Variants in PAX5 observed in about 807,000 individuals in gnomAD.
PAX5 encodes paired box 5.
In PAX5, 9 loss-of-function variants were observed where a neutral mutation model predicts 43.7. The ratio of observed to expected loss-of-function variants is 0.21; its 90% CI spans 0.12 to 0.36. The LOEUF (loss-of-function observed/expected upper bound fraction) is 0.36. Ranked by LOEUF, PAX5 falls within the 10% of genes least tolerant of loss-of-function variation. PAX5 has a pLI of 1.00. For synonymous variants in PAX5, 228 were observed against 214.3 expected (o/e 1.06, Z -0.56); for missense variants, 383 against 532.7 (o/e 0.72, Z 2.77).
chr9:36,926,885 G>C (rs1363477990), intron 6 of PAX5, among the ~76,000 whole-genome samples: 1 of 152,170 alleles, frequency 6.6e-6, no homozygotes, highest in Non-Finnish European at 1.5e-5. Flanking sequence ...TTCCATCCAA[G>C]AGGGACAAGA....
In PAX5 at chr9:36,833,372, T is replaced by G. The variant is rs1005030079; in HGVS notation, c.*7188A>C. The G allele has an allele frequency of 1.3e-5, 3 of 233,044 alleles. No homozygotes were observed. The South Asian group carries it at 5.4e-4, about 42-fold the overall frequency. The allele number at this position is 233,044 out of a possible 1,614,324, so 14.4% of individuals were successfully genotyped here. On this transcript the variant is annotated 3_prime_UTR_variant, in exon 10 of 10. Coordinates refer to ENST00000358127, the MANE Select transcript of PAX5 (RefSeq NM_016734.3). ...ATAAAGGTTACATAAAATCAATTCT[T>G]CACAAGTAACAGCCACTCATGAAAA... is the stretch of plus-strand genomic sequence containing the variant.
At chr9:36,954,859 C>G (rs769489421) in intron 6 of PAX5, among the ~76,000 whole-genome samples, 1 of 152,134 alleles carries the variant, frequency 6.6e-6, no homozygotes, top group Non-Finnish European at 1.5e-5. Context: ...TGGACTTTCT[C>G]ATGATATTTT....
chr9:37,013,127 C>A (rs1298575465), intron 3 of PAX5, among the ~76,000 whole-genome samples: 14 of 151,950 alleles, frequency 9.2e-5, no homozygotes. Flanking sequence ...ATTTCACATA[C>A]AGAAATATCC....
chr9:36,878,458 T>A (rs1017176798), intron 8 of PAX5, among the ~76,000 whole-genome samples: 5 of 152,156 alleles, frequency 3.3e-5, no homozygotes, highest in African/African-American at 1.2e-4. Flanking sequence ...TGGGAAGGCT[T>A]TTCTGAGCAG....
intron 4 of PAX5, among the ~76,000 whole-genome samples, chr9:37,004,298 G>C (rs1006501087): frequency 1.8e-4 from 27 of 152,354 alleles, no homozygotes; most frequent in African/African-American, 6.5e-4. Flanking sequence ...TCCATCAGCA[G>C]GGGCCTCTCC....
At chr9:36,850,861 T>A (rs1215615908) in intron 8 of PAX5, among the ~76,000 whole-genome samples, 16 of 152,174 alleles carry the variant, frequency 1.1e-4, no homozygotes, top group Admixed American at 9.8e-4. Flanking sequence ...TCCATCGGCA[T>A]TCCCCCAGGA....
intron 7 of PAX5, among the ~76,000 whole-genome samples, chr9:36,910,316 T>C (rs1313687047): frequency 1.3e-5 from 2 of 152,192 alleles, no homozygotes; most frequent in Admixed American, 1.3e-4. Flanking sequence ...TATACACTAT[T>C]CTTTACCTTG....
chr9:36,945,262 G>A (rs146803275), intron 6 of PAX5, among the ~76,000 whole-genome samples: 2 of 151,808 alleles, frequency 1.3e-5, no homozygotes, highest in African/African-American at 4.8e-5. Flanking sequence ...TTTGAAACAG[G>A]GTCTCACACT....
chr9:36,904,475 C>T (rs1174226005), intron 7 of PAX5, among the ~76,000 whole-genome samples: 1 of 152,064 alleles, frequency 6.6e-6, no homozygotes, highest in African/African-American at 2.4e-5. Context: ...AGCATTCATG[C>T]CAGAAACAAC....
chr9:36,987,935 A>G (rs373746960), intron 5 of PAX5, among the ~76,000 whole-genome samples: 1 of 152,254 alleles, frequency 6.6e-6, no homozygotes, highest in Admixed American at 6.5e-5. Context: ...CGTCCTTTTC[A>G]GAAAAGAGAT....
chr9:36,958,423 T>C (rs1387367370), intron 6 of PAX5, among the ~76,000 whole-genome samples: 1 of 150,838 alleles, frequency 6.6e-6, no homozygotes, highest in African/African-American at 2.4e-5. Context: ...AAATTCAAGC[T>C]AACTCTAGGA....
chr9:36,873,555 A>G (rs574302362), intron 8 of PAX5, among the ~76,000 whole-genome samples: 296 of 152,372 alleles, frequency 1.9e-3, no homozygotes, highest in African/African-American at 6.6e-3. Context: ...TGCCCAGGCC[A>G]GAGAGCTACC....
At chr9:36,929,963 T>A (rs887109394) in intron 6 of PAX5, among the ~76,000 whole-genome samples, 15 of 152,116 alleles carry the variant, frequency 9.9e-5, no homozygotes, top group Non-Finnish European at 1.6e-4. Context: ...TGACCTCAGA[T>A]GATCCACCCA....
At chr9:36,951,515 C>G (rs548905579) in intron 6 of PAX5, among the ~76,000 whole-genome samples, 5 of 152,284 alleles carry the variant, frequency 3.3e-5, no homozygotes, top group African/African-American at 1.2e-4. Context: ...TTTATATCAT[C>G]TGATAATGAG....
In PAX5 at chr9:36,903,848, T is replaced by G. The variant is rs1828598264; in HGVS notation, c.910+19507A>C. 1.3e-5 allele frequency among the ~76,000 whole-genome samples: 2 copies of G among 152,172 alleles called. 1 individual carries two copies. Among genetic ancestry groups the G allele is most frequent in the South Asian group, 4.1e-4 (2 of 4,822 alleles). On this transcript the variant is annotated intron_variant, in intron 7 of 9. Transcript: ENST00000358127. ...CGTGGCCTGAAATCCACCTATCAGC[T>G]CTGTTCTTCAGATAGGGGTCTGTCC...
chr9:37,017,731 C>G (rs887569795), intron 2 of PAX5, among the ~76,000 whole-genome samples: 1 of 152,238 alleles, frequency 6.6e-6, no homozygotes, highest in South Asian at 2.1e-4. Flanking sequence ...GCACGCAGGG[C>G]TACCTGCCCA....
At chr9:36,849,560 G>A (rs1466246676) in intron 8 of PAX5, among the ~76,000 whole-genome samples, 1 of 152,224 alleles carries the variant, frequency 6.6e-6, no homozygotes, top group Admixed American at 6.5e-5. Context: ...CCAGGCACAC[G>A]CTTCCAGAGC....
intron 3 of PAX5, among the ~76,000 whole-genome samples, chr9:37,010,833 T>C (rs777311342): frequency 6.6e-6 from 1 of 152,040 alleles, no homozygotes; most frequent in Non-Finnish European, 1.5e-5. Flanking sequence ...GCCCCACAGG[T>C]GGCACCCAGG....
chr9:36,947,818 C>T (rs982604468), intron 6 of PAX5, among the ~76,000 whole-genome samples: 5 of 151,534 alleles, frequency 3.3e-5, no homozygotes, highest in South Asian at 4.2e-4. Context: ...CCAGACTGAA[C>T]GCATATGCAT....
Sources: allele counts gnomAD v4.1 joint callset (sites outside exome capture counted in the v4.1 genomes callset), GRCh38; gene constraint gnomAD v4.1.1; transcripts MANE v1.5; gene names NCBI Gene and HGNC (gene_info 2026-07-23, HGNC 2026-07-21).